CEP128: variants seen among roughly 807,000 people sequenced by gnomAD.
The protein encoded by CEP128 is centrosomal protein 128kDa.
A neutral mutation model predicts 156.7 loss-of-function variants in CEP128; 132 were observed. The observed-to-expected ratio is 0.84, with a 90% CI of 0.73 to 0.97. The LOEUF is 0.97. Among genes scored for constraint, CEP128 ranks in the 50% least tolerant of loss-of-function variants. The probability of loss-of-function intolerance (pLI) is 0.00; values close to 1 mark genes in which losing one functional copy is unlikely to be tolerated. For missense variants in CEP128, 1,252 were observed against 1,281.9 expected, an observed-to-expected ratio of 0.98 and a Z score of 0.36; for synonymous variants, 469 against 448.9, an observed-to-expected ratio of 1.04 and a Z score of -0.57.
chr14:80,568,712 A>C (rs1248780509), intron 20 of CEP128, among the ~76,000 whole-genome samples: 1 of 152,170 alleles, frequency 6.6e-6, no homozygotes, highest in Non-Finnish European at 1.5e-5. Context: ...ACGCGCAGGT[A>C]AGAAGGGAAA....
chr14:80,876,958 C>G (rs1344334564), intron 8 of CEP128, among the ~76,000 whole-genome samples: 1 of 152,078 alleles, frequency 6.6e-6, no homozygotes, highest in Non-Finnish European at 1.5e-5. Flanking sequence ...CCTAAATAAA[C>G]CTTTATTGCA....
intron 13 of CEP128, among the ~76,000 whole-genome samples, chr14:80,828,189 T>C (rs958146660): frequency 6.7e-6 from 1 of 149,582 alleles, no homozygotes; most frequent in Non-Finnish European, 1.5e-5. Context: ...AGTGGTGCGA[T>C]CTCGGCTCAC....
chr14:80,675,319 A>T (rs1201401838), intron 19 of CEP128, among the ~76,000 whole-genome samples: 1 of 152,082 alleles, frequency 6.6e-6, no homozygotes, highest in African/African-American at 2.4e-5. Context: ...GTAAAAACGT[A>T]AAAGTAGTAT....
intron 20 of CEP128, among the ~76,000 whole-genome samples, chr14:80,574,302 G>T (rs978197850): frequency 6.6e-6 from 1 of 152,122 alleles, no homozygotes; most frequent in African/African-American, 2.4e-5. Context: ...AATTCCGAGG[G>T]AACTCTAAAA....
chr14:80,799,518 T>C (rs956622910), intron 13 of CEP128, among the ~76,000 whole-genome samples: 3 of 152,168 alleles, frequency 2.0e-5, no homozygotes, highest in African/African-American at 7.2e-5. Flanking sequence ...GCCTGCAGGG[T>C]TGGGCAAAGA....
intron 14 of CEP128, among the ~76,000 whole-genome samples, chr14:80,788,032 C>A (rs1295144450): frequency 1.3e-5 from 2 of 152,086 alleles, no homozygotes; most frequent in Admixed American, 6.6e-5. Flanking sequence ...CAGTCACAGA[C>A]CATGTGAGTC....
In CEP128 at chr14:80,609,234, ATAT is replaced by A. The variant is rs541343456; in HGVS notation, c.2807-28814_2807-28812del. Among the ~76,000 whole-genome samples the A allele has an allele frequency of 3.4e-4, 52 of 152,284 alleles. No homozygotes were observed. The South Asian group carries it at 0.01, about 30-fold the overall frequency. On this transcript the variant is annotated intron_variant, in intron 19 of 24. Coordinates refer to ENST00000555265, the MANE Select transcript of CEP128 (RefSeq NM_152446.5). ...TCAGTAAAAGCATTTGGATAAGTAA[ATAT>A]TATGTAATTGGGAAGGGCTAGGCAT...
chr14:80,501,963 G>A (rs776476992), intron 24 of CEP128, among the ~76,000 whole-genome samples: 2 of 152,180 alleles, frequency 1.3e-5, no homozygotes, highest in Middle Eastern at 3.4e-3. Flanking sequence ...TTTTCCTGGC[G>A]AAAACCCAAC....
At chr14:80,863,712 A>G (rs1426650076) in intron 8 of CEP128, among the ~76,000 whole-genome samples, 1 of 152,216 alleles carries the variant, frequency 6.6e-6, no homozygotes, top group African/African-American at 2.4e-5. Context: ...TTTTGTCACC[A>G]ATTATTTATA....
chr14:80,813,422 T>C (rs1326905219), intron 13 of CEP128, among the ~76,000 whole-genome samples: 1 of 152,028 alleles, frequency 6.6e-6, no homozygotes, highest in Non-Finnish European at 1.5e-5. Flanking sequence ...TAGTTTATAA[T>C]TTTTTTTCAA....
chr14:80,481,777 C>T (rs1887058665), intron 14 of CEP128, among the ~76,000 whole-genome samples: 1 of 152,232 alleles, frequency 6.6e-6, no homozygotes, highest in South Asian at 2.1e-4. Flanking sequence ...GCCAACCAGA[C>T]ACTGTGGTTT....
chr14:80,811,949 CA>C (rs1415389875), intron 13 of CEP128, among the ~76,000 whole-genome samples: 2 of 152,040 alleles, frequency 1.3e-5, no homozygotes, highest in Non-Finnish European at 2.9e-5. Context: ...ATTTTAGGTT[CA>C]GGGGCACATG....
At chr14:80,908,692 A>C (rs2139461912) in intron 4 of CEP128, among the ~76,000 whole-genome samples, 1 of 152,220 alleles carries the variant, frequency 6.6e-6, no homozygotes, top group South Asian at 2.1e-4. Flanking sequence ...ATGCCTGTGT[A>C]TTCTTTATCA....
chr14:80,539,486 G>C (rs1005110635), intron 21 of CEP128, among the ~76,000 whole-genome samples: 1 of 152,142 alleles, frequency 6.6e-6, no homozygotes, highest in Non-Finnish European at 1.5e-5. Flanking sequence ...AATTTATTAC[G>C]CCTATCTTTA....
intron 19 of CEP128, among the ~76,000 whole-genome samples, chr14:80,590,359 C>A (rs1891998174): frequency 6.6e-6 from 1 of 152,034 alleles, no homozygotes; most frequent in African/African-American, 2.4e-5. Flanking sequence ...AGCAGTAAGA[C>A]AGAAACAATA....
At chr14:80,759,908 GT>G (rs201621964) in intron 17 of CEP128, among the ~76,000 whole-genome samples, 259 of 4,452 alleles carry the variant, frequency 0.058, 8 homozygotes, top group East Asian at 0.51. Flanking sequence ...ATATATATAG[GT>G]GTGTGTGTGT....
In CEP128 at chr14:80,623,982, T is replaced by C. The variant is rs568029341; in HGVS notation, c.2807-43559A>G. 4.6e-5 allele frequency among the ~76,000 whole-genome samples: 7 copies of C among 152,308 alleles called. No homozygotes were observed. In the East Asian group the frequency reaches 1.4e-3, roughly 29 times the overall value. On this transcript the variant is annotated intron_variant, in intron 19 of 24. Coordinates refer to ENST00000555265, the MANE Select transcript of CEP128 (RefSeq NM_152446.5). ...TTTGAAAATATACAGTAAGTTATTGTTAAACATATTCACCTGACACTGCTA... is the reference window on the plus strand; with the variant it reads ...TTTGAAAATATACAGTAAGTTATTGCTAAACATATTCACCTGACACTGCTA...
chr14:80,920,281 A>G (rs1013890), intron 2 of CEP128, among the ~76,000 whole-genome samples: 24,534 of 152,072 alleles, frequency 0.16, 3,718 homozygotes, highest in African/African-American at 0.41. Context: ...CAACACCACT[A>G]CAACCCAGAC....
chr14:80,911,614 G>C (rs1045024502), intron 4 of CEP128, among the ~76,000 whole-genome samples: 2 of 152,070 alleles, frequency 1.3e-5, no homozygotes, highest in Non-Finnish European at 2.9e-5. Flanking sequence ...TTCTGCCCCC[G>C]CTCTTTTCTG....
Sources: gnomAD v4.1 joint callset for allele counts (sites outside exome capture counted in the v4.1 genomes callset) on GRCh38, gnomAD v4.1.1 for gene constraint, MANE v1.5 for transcripts, NCBI Gene and HGNC (gene_info 2026-07-23, HGNC 2026-07-21) for gene names.